Variants in NALF1 observed in about 807,000 individuals in gnomAD.
NALF1 encodes NALCN channel auxiliary factor 1.
A neutral mutation model predicts 48.4 loss-of-function variants in NALF1; 3 were observed. The ratio of observed to expected loss-of-function variants is 0.06; its 90% CI spans 0.03 to 0.16. The LOEUF (loss-of-function observed/expected upper bound fraction) is 0.16, where lower values mean the gene tolerates loss of function less well. Among genes scored for constraint, NALF1 ranks in the 10% least tolerant of loss-of-function variants. The pLI, the probability that NALF1 is intolerant of heterozygous loss-of-function variation, is 1.00. For synonymous variants in NALF1, 262 were observed against 245.7 expected (o/e 1.07, Z -0.62); for missense variants, 526 against 571.5 (o/e 0.92, Z 0.81).
chr13:107,242,289 A>T (rs1252150192), intron 1 of NALF1, among the ~76,000 whole-genome samples: 2 of 152,138 alleles, frequency 1.3e-5, no homozygotes, highest in African/African-American at 4.8e-5. Flanking sequence ...GAGTGTCCTC[A>T]CAGTGCGGCC....
intron 1 of NALF1, among the ~76,000 whole-genome samples, chr13:107,287,787 C>G (rs183775212): frequency 6.8e-6 from 1 of 146,706 alleles, no homozygotes; most frequent in Non-Finnish European, 1.5e-5. Context: ...TTCACCACAA[C>G]CTCCACCTCC....
intron 1 of NALF1, among the ~76,000 whole-genome samples, chr13:107,286,251 CTT>C (rs1338489610): frequency 1.3e-5 from 2 of 152,160 alleles, no homozygotes; most frequent in Non-Finnish European, 2.9e-5. Context: ...TAATTCCACT[CTT>C]ACGTATATAC....
chr13:107,603,247 T>C (rs774653363), intron 1 of NALF1, among the ~76,000 whole-genome samples: 3 of 152,210 alleles, frequency 2.0e-5, no homozygotes, highest in Non-Finnish European at 4.4e-5. Context: ...TCTCTTCTCA[T>C]TTTCCAGGTG....
At chr13:107,487,277 T>C (rs558530482) in intron 1 of NALF1, among the ~76,000 whole-genome samples, 1 of 152,304 alleles carries the variant, frequency 6.6e-6, no homozygotes, top group East Asian at 1.9e-4. Context: ...AAAGCACTGG[T>C]AATTTTCACT....
intron 1 of NALF1, among the ~76,000 whole-genome samples, chr13:107,291,518 T>A (rs1006670170): frequency 1.1e-4 from 16 of 152,026 alleles, no homozygotes; most frequent in Middle Eastern, 3.4e-3. Flanking sequence ...ACTTCATGTT[T>A]AGACTTGGGT....
At chr13:107,664,882 T>G (rs1289694901) in intron 1 of NALF1, among the ~76,000 whole-genome samples, 1 of 152,104 alleles carries the variant, frequency 6.6e-6, no homozygotes, top group Non-Finnish European at 1.5e-5. Flanking sequence ...GGGGTTTTTG[T>G]CCTCTTCTTC....
intron 1 of NALF1, among the ~76,000 whole-genome samples, chr13:107,502,286 T>C (rs1022787397): frequency 2.0e-5 from 3 of 152,190 alleles, no homozygotes; most frequent in Admixed American, 2.0e-4. Flanking sequence ...TTGAGATTTC[T>C]GGGCCCCCCT....
intron 1 of NALF1, among the ~76,000 whole-genome samples, chr13:107,700,515 T>C (rs1881794858): frequency 6.6e-6 from 1 of 151,960 alleles, no homozygotes; most frequent in South Asian, 2.1e-4. Flanking sequence ...TCTAAATGTA[T>C]GACCATAAAA....
intron 1 of NALF1, among the ~76,000 whole-genome samples, chr13:107,274,945 C>T (rs1318925723): frequency 6.6e-6 from 1 of 152,118 alleles, no homozygotes. Context: ...CACAATACTA[C>T]TTCATGACTG....
intron 1 of NALF1, among the ~76,000 whole-genome samples, chr13:107,646,206 T>C (rs1265298903): frequency 6.6e-6 from 1 of 151,720 alleles, no homozygotes; most frequent in Non-Finnish European, 1.5e-5. Flanking sequence ...ACTAAAATAG[T>C]AATTTTACCT....
At chr13:107,379,890 T>C (rs536741506) in intron 1 of NALF1, among the ~76,000 whole-genome samples, 2 of 152,334 alleles carry the variant, frequency 1.3e-5, no homozygotes, top group South Asian at 2.1e-4. Context: ...AAGGCTGAGA[T>C]TGAAAAGTCT....
chr13:107,224,593 C>G (rs1232037185), intron 1 of NALF1, among the ~76,000 whole-genome samples: 1 of 151,894 alleles, frequency 6.6e-6, no homozygotes, highest in African/African-American at 2.4e-5. Context: ...TAAAACTAAC[C>G]ATTTACTTTC....
At chr13:107,775,480 A>C (rs1271036457) in intron 1 of NALF1, among the ~76,000 whole-genome samples, 1 of 151,740 alleles carries the variant, frequency 6.6e-6, no homozygotes, top group Admixed American at 6.6e-5. Context: ...GTTGGTTCCA[A>C]GTCTTTGCTA....
intron 2 of NALF1, among the ~76,000 whole-genome samples, chr13:107,199,429 T>C (rs1263643965): frequency 2.0e-5 from 3 of 152,124 alleles, no homozygotes; most frequent in Non-Finnish European, 2.9e-5. Flanking sequence ...ACTAATTACA[T>C]TGGACTAGGG....
intron 1 of NALF1, among the ~76,000 whole-genome samples, chr13:107,346,088 G>C (rs550234311): frequency 3.9e-5 from 6 of 152,126 alleles, no homozygotes; most frequent in Middle Eastern, 3.4e-3. Context: ...AGGATGGGCA[G>C]CATAACACAA....
chr13:107,270,016 C>T (rs1005321902), intron 1 of NALF1, among the ~76,000 whole-genome samples: 32 of 149,954 alleles, frequency 2.1e-4, no homozygotes, highest in Admixed American at 1.7e-3. Context: ...GTGATCCGCC[C>T]GCCTCGCCCT....
rs148008981 is a variant in NALF1, at chr13:107,761,970, G to T, written c.915+103712C>A. On this transcript the variant is annotated intron_variant, in intron 1 of 2. Coordinates refer to ENST00000375915, the MANE Select transcript of NALF1 (RefSeq NM_001080396.3). ...TAATAAGTGCTATGTAAATGTCAGTGATGGCTGCTACTAGCACTGCTATTA... is the reference window on the plus strand; with the variant it reads ...TAATAAGTGCTATGTAAATGTCAGTTATGGCTGCTACTAGCACTGCTATTA... Among the ~76,000 whole-genome samples, 976 of 152,316 alleles carry T rather than the reference G, an allele frequency of 6.4e-3. 7 individuals are homozygous for T. Among genetic ancestry groups the T allele is most frequent in the Non-Finnish European group, 0.011 (747 of 68,018 alleles).
At chr13:107,449,073 G>A (rs1289581437) in intron 1 of NALF1, among the ~76,000 whole-genome samples, 1 of 152,038 alleles carries the variant, frequency 6.6e-6, no homozygotes. Flanking sequence ...GTGAAACCCC[G>A]TCTCAACTAA....
intron 1 of NALF1, among the ~76,000 whole-genome samples, chr13:107,337,254 T>A (rs1007165850): frequency 6.6e-6 from 1 of 152,152 alleles, no homozygotes; most frequent in Non-Finnish European, 1.5e-5. Context: ...TGAAAATGCA[T>A]AATTCTGTTA....
Sources: gnomAD v4.1 joint callset for allele counts (sites outside exome capture counted in the v4.1 genomes callset) on GRCh38, gnomAD v4.1.1 for gene constraint, MANE v1.5 for transcripts, NCBI Gene and HGNC (gene_info 2026-07-23, HGNC 2026-07-21) for gene names.